The following SGCZ variants were observed in gnomAD, a reference collection of about 807,000 sequenced individuals.
The protein encoded by SGCZ is zeta-sarcoglycan.
In SGCZ, 40 loss-of-function variants were observed where a neutral mutation model predicts 41.3. The observed-to-expected ratio is 0.97, with a 90% confidence interval of 0.75 to 1.26. SGCZ has a LOEUF of 1.26. SGCZ is among the 50% of genes most tolerant of loss of function. The probability of loss-of-function intolerance (pLI) is 0.00; values close to 1 mark genes in which losing one functional copy is unlikely to be tolerated. For synonymous variants in SGCZ, 206 were observed against 137.5 expected, an observed-to-expected ratio of 1.50 and a Z score of -3.49; for missense variants, 552 against 369.8, an observed-to-expected ratio of 1.49 and a Z score of -4.04.
At chr8:14,369,393 A>G (rs570171626) in intron 2 of SGCZ, among the ~76,000 whole-genome samples, 1 of 152,040 alleles carries the variant, frequency 6.6e-6, no homozygotes, top group South Asian at 2.1e-4. Flanking sequence ...TATCCTCATA[A>G]TAAAGGCTTT....
intron 5 of SGCZ, among the ~76,000 whole-genome samples, chr8:14,111,337 G>C (rs1204841629): frequency 6.6e-6 from 1 of 152,032 alleles, no homozygotes; most frequent in Non-Finnish European, 1.5e-5. Context: ...CTAACAATTT[G>C]TCAACATTTG....
rs9657233 is a variant in SGCZ at position 14,240,878 on chromosome 8, T to A, written c.337-3199A>T. On this transcript the variant is annotated intron_variant, in intron 3 of 7. Transcript: ENST00000382080. The stretch of plus-strand genomic sequence containing the variant: ...TCCACTCAGTACTAATTAAAACACA[T>A]GTATGTGATAAAAATACGTATAATG... Among the ~76,000 whole-genome samples, 15 of 152,316 alleles carry A rather than the reference T, an allele frequency of 9.8e-5. No individual in the cohort carries two copies. The South Asian group carries it at 2.1e-3, about 21-fold the overall frequency.
At chr8:15,047,765 C>T (rs1361487535) in intron 1 of SGCZ, among the ~76,000 whole-genome samples, 6 of 152,086 alleles carry the variant, frequency 3.9e-5, no homozygotes, top group South Asian at 4.1e-4. Flanking sequence ...TATAAATTTA[C>T]TTATACAATT....
intron 2 of SGCZ, among the ~76,000 whole-genome samples, chr8:14,426,378 G>T (rs1411403193): frequency 2.0e-5 from 3 of 152,088 alleles, no homozygotes; most frequent in South Asian, 4.2e-4. Flanking sequence ...CCCCCAATTT[G>T]GTTAACAGAA....
intron 1 of SGCZ, among the ~76,000 whole-genome samples, chr8:14,900,901 C>G (rs902649421): frequency 4.6e-5 from 7 of 152,198 alleles, no homozygotes; most frequent in African/African-American, 1.7e-4. Context: ...AATTTGCACT[C>G]TAATTTACTA....
intron 1 of SGCZ, among the ~76,000 whole-genome samples, chr8:15,139,780 T>G (rs1808254520): frequency 6.6e-6 from 1 of 152,164 alleles, no homozygotes; most frequent in Non-Finnish European, 1.5e-5. Context: ...TTTCTCACTC[T>G]CTCCCCTGCA....
At chr8:14,183,077 G>A (rs1324636057) in intron 4 of SGCZ, among the ~76,000 whole-genome samples, 1 of 150,464 alleles carries the variant, frequency 6.6e-6, no homozygotes, top group African/African-American at 2.4e-5. Flanking sequence ...TTAAACATTT[G>A]CAAATAAATA....
intron 5 of SGCZ, among the ~76,000 whole-genome samples, chr8:14,146,964 A>C (rs371665114): frequency 1.4e-5 from 2 of 144,188 alleles, no homozygotes; most frequent in African/African-American, 2.5e-5. Context: ...AGAAAAAAAA[A>C]ACCCAAAAAT....
intron 1 of SGCZ, among the ~76,000 whole-genome samples, chr8:14,771,476 G>A (rs980707519): frequency 1.3e-5 from 2 of 151,984 alleles, no homozygotes; most frequent in Non-Finnish European, 2.9e-5. Flanking sequence ...TGTTTTACTT[G>A]AATTACCATA....
chr8:14,914,001 C>T (rs967411996), intron 1 of SGCZ, among the ~76,000 whole-genome samples: 1 of 151,792 alleles, frequency 6.6e-6, no homozygotes, highest in African/African-American at 2.4e-5. Context: ...TAGCTTAGAA[C>T]ACACAAAATT....
At chr8:14,393,212 A>T (rs899484968) in intron 2 of SGCZ, among the ~76,000 whole-genome samples, 3 of 152,184 alleles carry the variant, frequency 2.0e-5, no homozygotes, top group Non-Finnish European at 2.9e-5. Flanking sequence ...GGCAGATAGT[A>T]AATATATGGG....
chr8:14,644,796 G>C (rs1218025480), intron 1 of SGCZ, among the ~76,000 whole-genome samples: 1 of 151,712 alleles, frequency 6.6e-6, no homozygotes, highest in African/African-American at 2.4e-5. Flanking sequence ...CCTGTTGAAT[G>C]AGATTACCAA....
rs1400935709 is a variant in SGCZ, at chr8:14,090,376, G to A, written c.*67C>T. On this transcript the variant is annotated 3_prime_UTR_variant, in exon 8 of 8. Transcript: ENST00000382080. ...CTCTGGACTGATCACAAGGGAAACC[G>A]AGCAGAACTGTGAAGCAGACGGACA... is the stretch of plus-strand genomic sequence containing the variant. The A allele has an allele frequency of 9.8e-6, 15 of 1,529,862 alleles. No individual in the cohort carries two copies. The highest frequency in any genetic ancestry group is 5.5e-5 in the African/African-American group (4 of 72,520). The allele number at this position is 1,529,862 out of a possible 1,614,324, so 94.8% of individuals were successfully genotyped here.
intron 2 of SGCZ, among the ~76,000 whole-genome samples, chr8:14,343,486 C>T (rs554041502): frequency 1.6e-4 from 24 of 152,252 alleles, no homozygotes; most frequent in African/African-American, 5.5e-4. Flanking sequence ...TTGGACTCTA[C>T]GTATGTTTTC....
intron 1 of SGCZ, among the ~76,000 whole-genome samples, chr8:15,042,906 T>C (rs913227183): frequency 6.6e-6 from 1 of 152,206 alleles, no homozygotes; most frequent in Non-Finnish European, 1.5e-5. Flanking sequence ...GTTTGTTTTA[T>C]TATTTAATAG....
chr8:15,017,412 C>T (rs774484043), intron 1 of SGCZ, among the ~76,000 whole-genome samples: 1 of 152,128 alleles, frequency 6.6e-6, no homozygotes, highest in Non-Finnish European at 1.5e-5. Flanking sequence ...TCTCAGCATG[C>T]CCCTTAACTT....
intron 4 of SGCZ, among the ~76,000 whole-genome samples, chr8:14,195,732 T>C (rs1009365772): frequency 2.6e-5 from 4 of 152,110 alleles, no homozygotes; most frequent in Non-Finnish European, 5.9e-5. Context: ...ATGCAAGTGA[T>C]GACATAGGAG....
At chr8:14,255,626 T>A (rs1307071108) in intron 3 of SGCZ, among the ~76,000 whole-genome samples, 1 of 152,050 alleles carries the variant, frequency 6.6e-6, no homozygotes, top group Non-Finnish European at 1.5e-5. Flanking sequence ...AATAAAAACA[T>A]AAATCATCCA....
chr8:14,359,728 T>C (rs1206997477), intron 2 of SGCZ, among the ~76,000 whole-genome samples: 1 of 150,560 alleles, frequency 6.6e-6, no homozygotes, highest in African/African-American at 2.5e-5. Context: ...CTACTCAAAC[T>C]ATTCCAAAAA....
Sources: gnomAD v4.1 joint callset for allele counts (sites outside exome capture counted in the v4.1 genomes callset) on GRCh38, gnomAD v4.1.1 for gene constraint, MANE v1.5 for transcripts, NCBI Gene and HGNC (gene_info 2026-07-23, HGNC 2026-07-21) for gene names.